CACNA1C: variants seen among roughly 807,000 people sequenced by gnomAD.
CACNA1C encodes calcium voltage-gated channel subunit alpha1 C.
CACNA1C carries 30 observed loss-of-function variants against 229.0 expected under a neutral mutation model. That is an observed-to-expected ratio of 0.13 (90% CI 0.10 to 0.18). The LOEUF is 0.18. Among genes scored for constraint, CACNA1C ranks in the 10% least tolerant of loss-of-function variants. CACNA1C has a pLI of 1.00. For missense variants in CACNA1C, 1,658 were observed against 2,845.0 expected, an observed-to-expected ratio of 0.58 and a Z score of 9.49; for synonymous variants, 1,114 against 1,132.5, an observed-to-expected ratio of 0.98 and a Z score of 0.33.
At chr12:2,128,612 C>T (rs566988018) in intron 3 of CACNA1C, among the ~76,000 whole-genome samples, 2 of 152,192 alleles carry the variant, frequency 1.3e-5, no homozygotes, top group Non-Finnish European at 2.9e-5. Context: ...GGGGTTTCAC[C>T]GTGTTAGTCA....
chr12:2,292,928 CCTTT>C (rs946544806), intron 3 of CACNA1C, among the ~76,000 whole-genome samples: 2 of 150,674 alleles, frequency 1.3e-5, no homozygotes, highest in Non-Finnish European at 3.0e-5. Context: ...GTAATTGCGT[CCTTT>C]CTTTTTTTTT....
At chr12:2,522,994 C>T (rs1436098466) in intron 9 of CACNA1C, among the ~76,000 whole-genome samples, 2 of 152,174 alleles carry the variant, frequency 1.3e-5, no homozygotes, top group African/African-American at 4.8e-5. Context: ...GAATGCCCTT[C>T]TCTTCCAACC....
Position 2,512,396 on chromosome 12 carries a change from A to G in CACNA1C, c.1218-416A>G, listed in dbSNP as rs1342312678. On this transcript the variant is annotated intron_variant, in intron 8 of 46. Transcript: ENST00000399655. This position sits in a 1 kb window ranked among gnomAD's most constrained non-coding sequence, Gnocchi z 4.3. ...GAGACCCTTGGGAGAATTTTAAACT[A>G]CCACTCAATACTGGGTGGGATGGAA... Among the ~76,000 whole-genome samples the G allele has an allele frequency of 6.6e-6, 1 of 152,032 alleles. No homozygotes were observed. The highest frequency in any genetic ancestry group is 1.5e-5 in the Non-Finnish European group (1 of 68,010).
At position 2,608,547 on chromosome 12, in the gene CACNA1C, C is replaced by T. The variant is rs1180370037; in HGVS notation, c.3393C>T (p.Asp1131=). The change falls in exon 27 of 47, where the codon GAC becomes GAT. Residue 1131 remains aspartate, a synonymous_variant. Transcript: ENST00000399655. The surrounding 1 kb of genome is among the most constrained non-coding windows in gnomAD (Gnocchi z 4.2). ...LYRSIDSHTE[D]KGPIYNYRVE... ...GCTCCATCGACTCCCACACGGAAGA[C>T]AAGGGCCCCATCTACAACTACCGTG... The T allele has an allele frequency of 6.2e-7, 1 of 1,613,246 alleles. No homozygotes were observed. The highest frequency in any genetic ancestry group is 1.3e-5 in the African/African-American group (1 of 74,928).
intron 30 of CACNA1C, among the ~76,000 whole-genome samples, chr12:2,644,997 A>G (rs1307987354): frequency 6.6e-6 from 1 of 152,226 alleles, no homozygotes; most frequent in Non-Finnish European, 1.5e-5. Context: ...TGCCTCAGAT[A>G]CGGAATAATA....
At chr12:2,370,486 A>G (rs888798008) in intron 3 of CACNA1C, among the ~76,000 whole-genome samples, 11 of 152,268 alleles carry the variant, frequency 7.2e-5, no homozygotes, top group Admixed American at 3.9e-4. Flanking sequence ...GTTATAACTC[A>G]TATGATGAGC....
Position 2,632,579 on chromosome 12 carries a change from C to T in CACNA1C, c.3829-1718C>T, listed in dbSNP as rs1236843495. On this transcript the variant is annotated intron_variant, in intron 29 of 46. Coordinates refer to ENST00000399655, the MANE Select transcript of CACNA1C (RefSeq NM_000719.7). The surrounding 1 kb of genome is among the most constrained non-coding windows in gnomAD (Gnocchi z 4.1). ...TTCTCCAAACATGGTGAAAAATAAACAAAATCCATAGCTACAGAATCAAGT... is the reference window on the plus strand; with the variant it reads ...TTCTCCAAACATGGTGAAAAATAAATAAAATCCATAGCTACAGAATCAAGT... 6.6e-6 allele frequency among the ~76,000 whole-genome samples: 1 copy of T among 152,156 alleles called. No individual in the cohort carries two copies. The highest frequency in any genetic ancestry group is 2.4e-5 in the African/African-American group (1 of 41,422).
At chr12:2,017,268 A>T (rs140717121) in intron 1 of CACNA1C, among the ~76,000 whole-genome samples, 14 of 152,324 alleles carry the variant, frequency 9.2e-5, no homozygotes, top group African/African-American at 3.1e-4. Flanking sequence ...GTGGAAAAAG[A>T]GTAAGCAACT....
chr12:2,086,795 G>A (rs536535584), intron 1 of CACNA1C, among the ~76,000 whole-genome samples: 5 of 152,270 alleles, frequency 3.3e-5, no homozygotes, highest in Admixed American at 1.3e-4. Context: ...CACTGGCCCG[G>A]CCTGGACTAG....
At chr12:2,145,940 A>G (rs1035537790) in intron 3 of CACNA1C, among the ~76,000 whole-genome samples, 1 of 151,346 alleles carries the variant, frequency 6.6e-6, no homozygotes, top group Non-Finnish European at 1.5e-5. Context: ...CTCAGTTTCC[A>G]TCTGTCACTT....
chr12:2,548,722 T>C (rs1429356202), intron 9 of CACNA1C, among the ~76,000 whole-genome samples: 2 of 152,186 alleles, frequency 1.3e-5, no homozygotes, highest in Non-Finnish European at 2.9e-5. Context: ...CTGGCTTGTC[T>C]TCATCTGAAG....
intron 1 of CACNA1C, among the ~76,000 whole-genome samples, chr12:2,027,532 T>C (rs1201576754): frequency 6.6e-6 from 1 of 152,230 alleles, no homozygotes; most frequent in East Asian, 1.9e-4. Context: ...CTGTCTGCCT[T>C]GAACACTGCA....
intron 4 of CACNA1C, among the ~76,000 whole-genome samples, chr12:2,450,396 T>C (rs909337686): frequency 2.0e-5 from 3 of 151,336 alleles, no homozygotes; most frequent in East Asian, 2.0e-4. Context: ...CTACTAAAAA[T>C]ACAAAAACTT....
In CACNA1C at chr12:2,479,407, A is replaced by G. The variant is rs73046207; in HGVS notation, c.758-6697A>G. Among the ~76,000 whole-genome samples the G allele has an allele frequency of 6.2e-3, 951 of 152,224 alleles. 4 individuals carry two copies. Among genetic ancestry groups the G allele is most frequent in the Non-Finnish European group, 1.0e-2 (677 of 68,018 alleles). ...TGAACACCTGTCTTAAGAGAAATCTATTTCTTTCAGATGACATCCAATTCT... is the reference window on the plus strand; with the variant it reads ...TGAACACCTGTCTTAAGAGAAATCTGTTTCTTTCAGATGACATCCAATTCT... On this transcript the variant is annotated intron_variant, in intron 5 of 46. Coordinates refer to ENST00000399655, the MANE Select transcript of CACNA1C (RefSeq NM_000719.7). This position sits in a 1 kb window ranked among gnomAD's most constrained non-coding sequence, Gnocchi z 4.3.
rs1437586598 is a variant in CACNA1C at position 2,215,192 on chromosome 12, T to C, written c.477+94762T>C. On this transcript the variant is annotated intron_variant, in intron 3 of 46. Coordinates refer to ENST00000399655, the MANE Select transcript of CACNA1C (RefSeq NM_000719.7). The surrounding 1 kb of genome is among the most constrained non-coding windows in gnomAD (Gnocchi z 5.0). ...TCAGAGACATGTCAATCTGAGTCCC[T>C]TTGCTTGGATTTAATCTGCTATTTG... Among the ~76,000 whole-genome samples, 3 of 152,318 alleles carry C rather than the reference T, an allele frequency of 2.0e-5. No individual in the cohort carries two copies. The highest frequency in any genetic ancestry group is 7.2e-5 in the African/African-American group (3 of 41,580).
chr12:2,246,922 A>G (rs983876706), intron 3 of CACNA1C, among the ~76,000 whole-genome samples: 9 of 152,120 alleles, frequency 5.9e-5, no homozygotes, highest in African/African-American at 1.9e-4. Flanking sequence ...CTGTCTCCCC[A>G]CTTCTCCATC....
Position 1,982,213 on chromosome 12 carries a change from T to A in CACNA1C, c.139+11012T>A, listed in dbSNP as rs567262424. Among the ~76,000 whole-genome samples the A allele has an allele frequency of 8.7e-4, 132 of 152,316 alleles. 2 individuals are homozygous for A. The highest frequency in any genetic ancestry group is 3.1e-3 in the African/African-American group (129 of 41,588). On this transcript the variant is annotated intron_variant, in intron 1 of 46. Coordinates refer to the CACNA1C transcript ENST00000682462. ...AATTTGCTAGTATTTTTTCCTTTTT[T>A]ATTGTGTTAAAATATTAAAAACATT...
chr12:2,302,523 G>A (rs948668460), intron 3 of CACNA1C, among the ~76,000 whole-genome samples: 4 of 151,938 alleles, frequency 2.6e-5, no homozygotes, highest in African/African-American at 7.3e-5. Context: ...CCTCTGGGAC[G>A]CCTGGGGACA....
intron 29 of CACNA1C, among the ~76,000 whole-genome samples, chr12:2,617,298 C>G (rs2081134696): frequency 6.6e-6 from 1 of 152,200 alleles, no homozygotes; most frequent in South Asian, 2.1e-4. Flanking sequence ...TGCTGGCTCT[C>G]TCTTGGGGCC....
Sources: allele counts gnomAD v4.1 joint callset (sites outside exome capture counted in the v4.1 genomes callset), GRCh38; gene constraint gnomAD v4.1.1; non-coding constraint Gnocchi (gnomAD v3.1); transcripts MANE v1.5; gene names NCBI Gene and HGNC (gene_info 2026-07-23, HGNC 2026-07-21).